FOCAD: variants seen among roughly 807,000 people sequenced by gnomAD.
FOCAD encodes the protein focadhesin, also known as KIAA1797.
FOCAD carries 198 observed loss-of-function variants against 225.6 expected under a neutral mutation model. The ratio of observed to expected loss-of-function variants is 0.88; its 90% CI spans 0.78 to 0.99. FOCAD has a LOEUF of 0.99. Among genes scored for constraint, FOCAD ranks in the 50% least tolerant of loss-of-function variants. The pLI, the probability that FOCAD is intolerant of heterozygous loss-of-function variation, is 0.00. For synonymous variants in FOCAD, 897 were observed against 755.0 expected (o/e 1.19, Z -3.08); for missense variants, 2,713 against 2,123.6 (o/e 1.28, Z -5.46).
chr9:20,829,490 C>T (rs1474522369), intron 15 of FOCAD, among the ~76,000 whole-genome samples: 4 of 151,934 alleles, frequency 2.6e-5, no homozygotes, highest in Admixed American at 6.6e-5. Context: ...TGCATTTCCC[C>T]GATGACTAAT....
chr9:20,867,500 A>G (rs991097173), intron 18 of FOCAD, among the ~76,000 whole-genome samples: 100 of 152,198 alleles, frequency 6.6e-4, no homozygotes, highest in African/African-American at 2.2e-3. Context: ...GAGTTAACAC[A>G]TAGTGTGATA....
chr9:20,662,933 T>C (rs565643291), intron 2 of FOCAD, among the ~76,000 whole-genome samples: 25 of 152,358 alleles, frequency 1.6e-4, no homozygotes, highest in Admixed American at 1.1e-3. Flanking sequence ...TAGAAAATTA[T>C]TTGTATCCAG....
At chr9:20,913,014 G>A in intron 23 of FOCAD, 60 bp downstream of exon 23, 2 of 1,381,188 alleles carry the variant, frequency 1.4e-6, no homozygotes, top group South Asian at 2.4e-5. Flanking sequence ...TGAGGGGAAA[G>A]GTAACTACTT....
intron 15 of FOCAD, among the ~76,000 whole-genome samples, chr9:20,823,972 GTTAGATA>G (rs1334223106): frequency 6.6e-6 from 1 of 152,062 alleles, no homozygotes; most frequent in Admixed American, 6.6e-5. Context: ...CCAGAGAGAG[GTTAGATA>G]TTTACGCCGG....
At chr9:20,793,947 C>G (rs10511685) in intron 11 of FOCAD, among the ~76,000 whole-genome samples, 56,322 of 151,972 alleles carry the variant, frequency 0.37, 10,765 homozygotes, top group East Asian at 0.5. Flanking sequence ...ATACTTGTAC[C>G]GTGGCCAGAC....
intron 15 of FOCAD, among the ~76,000 whole-genome samples, chr9:20,840,040 G>C (rs995311470): frequency 3.9e-5 from 6 of 152,126 alleles, no homozygotes; most frequent in Admixed American, 1.3e-4. Flanking sequence ...TATGCCAGTA[G>C]CATGCTGTTT....
chr9:20,844,756 A>G (rs1294729683), intron 15 of FOCAD, among the ~76,000 whole-genome samples: 1 of 152,004 alleles, frequency 6.6e-6, no homozygotes, highest in African/African-American at 2.4e-5. Context: ...GAGGATTTAA[A>G]CTAATCTGAG....
At chr9:20,907,361 G>A (rs2132022165) in intron 22 of FOCAD, 119 bp downstream of exon 22, 1 of 795,410 alleles carries the variant, frequency 1.3e-6, no homozygotes, top group South Asian at 1.5e-5. Flanking sequence ...AAATGTAATG[G>A]TTATTTTTAC....
At chr9:20,975,517 C>T (rs903846367) in intron 35 of FOCAD, among the ~76,000 whole-genome samples, 1 of 152,106 alleles carries the variant, frequency 6.6e-6, no homozygotes, top group African/African-American at 2.4e-5. Context: ...AATACATAGT[C>T]CATAGAATGG....
At chr9:20,799,762 C>T (rs776124534) in intron 11 of FOCAD, among the ~76,000 whole-genome samples, 3 of 152,082 alleles carry the variant, frequency 2.0e-5, no homozygotes, top group Admixed American at 6.5e-5. Context: ...AGATGGGTTT[C>T]CTGAGTACAG....
intron 2 of FOCAD, among the ~76,000 whole-genome samples, chr9:20,666,568 A>C (rs950033357): frequency 6.6e-6 from 1 of 152,144 alleles, no homozygotes; most frequent in African/African-American, 2.4e-5. Flanking sequence ...ACCCTATCTC[A>C]AAACAAACAA....
chr9:20,682,177 T>C (rs908554417), upstream of FOCAD, among the ~76,000 whole-genome samples: 2 of 152,238 alleles, frequency 1.3e-5, no homozygotes, highest in African/African-American at 4.8e-5. Flanking sequence ...TGCTTGGACT[T>C]CCCGGCTTGC....
intron 15 of FOCAD, among the ~76,000 whole-genome samples, chr9:20,829,159 T>C (rs1348938623): frequency 6.6e-6 from 1 of 152,152 alleles, no homozygotes. Flanking sequence ...TACCCAGTAA[T>C]GAAATTGCTG....
intron 6 of FOCAD, among the ~76,000 whole-genome samples, chr9:20,759,606 A>G (rs1829386486): frequency 6.6e-6 from 1 of 152,202 alleles, no homozygotes. Context: ...AACCATAAAA[A>G]CCGTAGAAGA....
At chr9:20,784,077 C>T (rs1485370130) in intron 10 of FOCAD, among the ~76,000 whole-genome samples, 1 of 152,130 alleles carries the variant, frequency 6.6e-6, no homozygotes, top group Admixed American at 6.6e-5. Flanking sequence ...GAGAGTCAGA[C>T]CTGGTAGGAG....
At chr9:20,828,961 A>G (rs953096716) in intron 15 of FOCAD, among the ~76,000 whole-genome samples, 2 of 152,284 alleles carry the variant, frequency 1.3e-5, no homozygotes, top group African/African-American at 4.8e-5. Flanking sequence ...TGCAAAGGAC[A>G]TGCTCTCATT....
At chr9:20,931,976 C>G (rs949306050) in intron 27 of FOCAD, among the ~76,000 whole-genome samples, 3 of 151,612 alleles carry the variant, frequency 2.0e-5, no homozygotes, top group African/African-American at 7.3e-5. Context: ...GAAAAAGTCT[C>G]CTGAATTTAA....
chr9:20,921,941 A>C (rs930628963), intron 24 of FOCAD, among the ~76,000 whole-genome samples: 1 of 152,186 alleles, frequency 6.6e-6, no homozygotes. Flanking sequence ...CTACAGAGTA[A>C]TAAAACTGGG....
At chr9:20,769,868 G>C (rs957130708) in intron 7 of FOCAD, among the ~76,000 whole-genome samples, 164 bp from the exon 8 acceptor site, 2 of 152,216 alleles carry the variant, frequency 1.3e-5, no homozygotes, top group African/African-American at 4.8e-5. Context: ...ATAAGGTGCA[G>C]TTGTATAGTT....
Sources: gnomAD v4.1 joint callset for allele counts (sites outside exome capture counted in the v4.1 genomes callset) on GRCh38, gnomAD v4.1.1 for gene constraint, MANE v1.5 for transcripts, NCBI Gene and HGNC (gene_info 2026-07-23, HGNC 2026-07-21) for gene names.